Variants in ADAMTSL3 observed in about 807,000 individuals in gnomAD.
ADAMTSL3 encodes ADAMTS like 3, also known as ADAMTS-like protein 3.
Under a neutral mutation model 201.7 loss-of-function variants are expected in ADAMTSL3, and 128 were observed. The observed-to-expected ratio is 0.63, with a 90% CI of 0.55 to 0.73. The LOEUF is 0.73. Ranked by LOEUF, ADAMTSL3 falls within the 30% of genes least tolerant of loss-of-function variation. The pLI, the probability that ADAMTSL3 is intolerant of heterozygous loss-of-function variation, is 0.00. For synonymous variants in ADAMTSL3, 738 were observed against 748.4 expected (o/e 0.99, Z 0.23); for missense variants, 1,990 against 2,119.6 (o/e 0.94, Z 1.20).
intron 3 of ADAMTSL3, among the ~76,000 whole-genome samples, chr15:83,755,122 T>C (rs1304540491): frequency 6.6e-6 from 1 of 152,344 alleles, no homozygotes; most frequent in East Asian, 1.9e-4. Flanking sequence ...AAATTTTGAA[T>C]CATTTCCTAG....
chr15:83,790,930 G>A (rs1171501662), intron 4 of ADAMTSL3, among the ~76,000 whole-genome samples: 1 of 152,126 alleles, frequency 6.6e-6, no homozygotes, highest in Non-Finnish European at 1.5e-5. Context: ...AAATGCTAAG[G>A]TGTAAATCTA....
At chr15:83,816,384 G>A (rs375661984) in intron 5 of ADAMTSL3, among the ~76,000 whole-genome samples, 2 of 152,316 alleles carry the variant, frequency 1.3e-5, no homozygotes, top group South Asian at 4.1e-4. Flanking sequence ...CTGGTCACAT[G>A]TACAAATCTG....
intron 2 of ADAMTSL3, among the ~76,000 whole-genome samples, chr15:83,670,570 A>G (rs1311654229): frequency 1.3e-5 from 2 of 152,112 alleles, no homozygotes; most frequent in African/African-American, 4.8e-5. Context: ...ACTTAATCCT[A>G]TTTGTTTTTC....
intron 2 of ADAMTSL3, among the ~76,000 whole-genome samples, chr15:83,685,418 G>A (rs1162317323): frequency 6.6e-6 from 1 of 152,178 alleles, no homozygotes; most frequent in African/African-American, 2.4e-5. Flanking sequence ...GGGGCAGTGT[G>A]TGACAACTGT....
At chr15:83,866,274 A>T (rs1596331703) in intron 8 of ADAMTSL3, among the ~76,000 whole-genome samples, 2 of 152,364 alleles carry the variant, frequency 1.3e-5, no homozygotes, top group Admixed American at 1.3e-4. Context: ...TACCCAAAGG[A>T]TTATAAATCA....
intron 17 of ADAMTSL3, among the ~76,000 whole-genome samples, chr15:83,935,212 A>G (rs2142016296): frequency 6.6e-6 from 1 of 152,302 alleles, no homozygotes; most frequent in East Asian, 1.9e-4. Flanking sequence ...AAAAGAAGAG[A>G]GAATCATATT....
chr15:83,773,418 A>AG (rs1002429765), intron 3 of ADAMTSL3, 105 bp from the exon 4 acceptor site: 1 of 1,311,308 alleles, frequency 7.6e-7, no homozygotes, highest in African/African-American at 1.5e-5. Context: ...TAAAAAAAAA[A>AG]AGGTGACTCT....
chr15:83,918,543 T>C (rs2066078516), intron 16 of ADAMTSL3, among the ~76,000 whole-genome samples: 1 of 152,150 alleles, frequency 6.6e-6, no homozygotes, highest in African/African-American at 2.4e-5. Flanking sequence ...ACGGATAATT[T>C]CCAGCAGAAA....
intron 19 of ADAMTSL3, among the ~76,000 whole-genome samples, chr15:83,952,211 C>T (rs749375417): frequency 6.6e-6 from 1 of 152,100 alleles, no homozygotes; most frequent in Non-Finnish European, 1.5e-5. Context: ...TCTTTATTGA[C>T]CCACTTGTCA....
At chr15:84,028,095 C>T (rs1435949579) in intron 27 of ADAMTSL3, among the ~76,000 whole-genome samples, 1 of 152,094 alleles carries the variant, frequency 6.6e-6, no homozygotes, top group African/African-American at 2.4e-5. Flanking sequence ...GGGAAAGAAG[C>T]AATCAGAGGA....
chr15:83,738,944 C>G (rs972829155), intron 3 of ADAMTSL3, among the ~76,000 whole-genome samples: 3 of 121,138 alleles, frequency 2.5e-5, no homozygotes, highest in African/African-American at 3.5e-5. Context: ...TTCCAGTCCA[C>G]AAGAAAAAAA....
chr15:83,912,972 G>C, intron 15 of ADAMTSL3, 120 bp from the exon 16 acceptor site: 5 of 1,053,036 alleles, frequency 4.7e-6, no homozygotes, highest in Non-Finnish European at 6.9e-6. Flanking sequence ...CCAAATGTGT[G>C]GAATTCCACC....
chr15:83,754,144 G>A (rs982677462), intron 3 of ADAMTSL3, among the ~76,000 whole-genome samples: 3 of 152,166 alleles, frequency 2.0e-5, no homozygotes, highest in Admixed American at 1.3e-4. Flanking sequence ...AATGCCAGTA[G>A]CACCTCCCTC....
intron 19 of ADAMTSL3, among the ~76,000 whole-genome samples, chr15:83,959,668 C>T (rs1310777470): frequency 2.0e-5 from 3 of 152,168 alleles, no homozygotes; most frequent in African/African-American, 7.2e-5. Context: ...AGAACTCAAT[C>T]TATATTGTTC....
At position 83,917,962 on chromosome 15, in the gene ADAMTSL3, G is replaced by A. The variant is rs201099484; in HGVS notation, c.1987+4584G>A. On this transcript the variant is annotated intron_variant, in intron 16 of 29. Coordinates refer to ENST00000286744, the MANE Select transcript of ADAMTSL3 (RefSeq NM_207517.3). ...GACTATTTTATAATATAATAATAGA[G>A]CATTCCTCTTATATTGGAATGCTAT... Among the ~76,000 whole-genome samples the A allele has an allele frequency of 1.8e-4, 27 of 152,206 alleles. No homozygotes were observed. The East Asian group carries it at 1.9e-3, about 11-fold the overall frequency.
At chr15:83,981,028 T>C (rs1222020022) in intron 20 of ADAMTSL3, among the ~76,000 whole-genome samples, 3 of 152,352 alleles carry the variant, frequency 2.0e-5, no homozygotes, top group African/African-American at 7.2e-5. Context: ...TTGCATGACC[T>C]TCTAAATCCA....
chr15:83,868,784 A>G (rs140382590), intron 8 of ADAMTSL3, among the ~76,000 whole-genome samples: 20 of 152,290 alleles, frequency 1.3e-4, no homozygotes, highest in African/African-American at 4.8e-4. Context: ...TGTTTTTGCT[A>G]CTTGTGTTTT....
At chr15:84,005,932 C>T (rs1000518310) in intron 23 of ADAMTSL3, among the ~76,000 whole-genome samples, 3 of 152,128 alleles carry the variant, frequency 2.0e-5, no homozygotes, top group African/African-American at 7.2e-5. Context: ...AAAGCCAGAG[C>T]CCTCTATTTG....
chr15:83,865,504 A>C (rs923825353), intron 8 of ADAMTSL3, among the ~76,000 whole-genome samples: 21 of 152,184 alleles, frequency 1.4e-4, no homozygotes, highest in Non-Finnish European at 2.9e-4. Context: ...CAAAAACAAG[A>C]AATGGGGAAA....
Sources: allele counts gnomAD v4.1 joint callset (sites outside exome capture counted in the v4.1 genomes callset), GRCh38; gene constraint gnomAD v4.1.1; transcripts MANE v1.5; gene names NCBI Gene and HGNC (gene_info 2026-07-23, HGNC 2026-07-21).